TSPAN18: variants seen among roughly 807,000 people sequenced by gnomAD.
The protein encoded by TSPAN18 is tetraspanin-18.
Under a neutral mutation model 27.3 loss-of-function variants are expected in TSPAN18, and 14 were observed. The observed-to-expected ratio is 0.51, with a 90% CI of 0.34 to 0.80. TSPAN18 has a LOEUF of 0.80. Among genes scored for constraint, TSPAN18 ranks in the 30% least tolerant of loss-of-function variants. The pLI, the probability that TSPAN18 is intolerant of heterozygous loss-of-function variation, is 0.01. For synonymous variants in TSPAN18, 143 were observed against 136.5 expected (o/e 1.05, Z -0.33); for missense variants, 268 against 323.9 (o/e 0.83, Z 1.32).
intron 1 of TSPAN18, among the ~76,000 whole-genome samples, chr11:44,727,729 G>A (rs1854550625): frequency 6.6e-6 from 1 of 152,192 alleles, no homozygotes; most frequent in African/African-American, 2.4e-5. Flanking sequence ...TCGGGGCCGG[G>A]AGGGCTGTGG....
chr11:44,745,809 C>T (rs1326562264), intron 1 of TSPAN18, among the ~76,000 whole-genome samples: 1 of 152,186 alleles, frequency 6.6e-6, no homozygotes, highest in Non-Finnish European at 1.5e-5. Flanking sequence ...GGGTGGATCA[C>T]GAGGTCAGGA....
At chr11:44,881,560 C>G (rs922441339) in intron 3 of TSPAN18, among the ~76,000 whole-genome samples, 5 of 152,228 alleles carry the variant, frequency 3.3e-5, no homozygotes, top group Non-Finnish European at 7.3e-5. Flanking sequence ...ATATCAGTCC[C>G]TCAAAAGGTT....
chr11:44,773,981 C>A (rs1855747869), intron 2 of TSPAN18, among the ~76,000 whole-genome samples: 1 of 152,196 alleles, frequency 6.6e-6, no homozygotes, highest in Admixed American at 6.5e-5. Context: ...CTGTGCTCCT[C>A]AGTCGGACTC....
chr11:44,797,278 C>T (rs1250243719), intron 2 of TSPAN18, among the ~76,000 whole-genome samples: 1 of 152,174 alleles, frequency 6.6e-6, no homozygotes, highest in African/African-American at 2.4e-5. Context: ...CTAAAAGTCA[C>T]GTGGCCAGTG....
At chr11:44,752,774 A>T (rs1855241422) in intron 1 of TSPAN18, among the ~76,000 whole-genome samples, 1 of 152,264 alleles carries the variant, frequency 6.6e-6, no homozygotes, top group African/African-American at 2.4e-5. Context: ...TTATGTAGGC[A>T]TTGGAGAAAG....
chr11:44,894,159 C>T (rs558072558), intron 3 of TSPAN18, among the ~76,000 whole-genome samples: 4 of 152,328 alleles, frequency 2.6e-5, no homozygotes, highest in African/African-American at 4.8e-5. Context: ...CTTGCATCCT[C>T]CTGGAAAGGA....
At chr11:44,892,621 C>A (rs942703659) in intron 3 of TSPAN18, among the ~76,000 whole-genome samples, 7 of 152,322 alleles carry the variant, frequency 4.6e-5, no homozygotes, top group Non-Finnish European at 1.0e-4. Context: ...GGCAGAGGGA[C>A]CTCCGACCTG....
chr11:44,771,339 ATCAT>A (rs1229957913), intron 2 of TSPAN18, among the ~76,000 whole-genome samples: 13 of 152,326 alleles, frequency 8.5e-5, no homozygotes, highest in Admixed American at 8.5e-4. Flanking sequence ...TCTCTGTCAG[ATCAT>A]TCATTCATTC....
chr11:44,803,675 C>A (rs1487993038), intron 2 of TSPAN18, among the ~76,000 whole-genome samples: 1 of 152,074 alleles, frequency 6.6e-6, no homozygotes, highest in Non-Finnish European at 1.5e-5. Context: ...GGGGCTGATG[C>A]AGGAGGTAGC....
Position 44,930,946 on chromosome 11 carries a change from A to G in TSPAN18, c.*1768A>G. 2.0e-6 allele frequency: 1 copy of G among 512,646 alleles called. No homozygotes were observed. The highest frequency in any genetic ancestry group is 4.0e-6 in the Non-Finnish European group (1 of 249,962). 31.8% of individuals were successfully genotyped at this position (512,646 alleles called of 1,614,324 possible). A position where few individuals can be genotyped will look rare whatever the true frequency, so the allele number is the denominator to read the frequency against. On this transcript the variant is annotated 3_prime_UTR_variant, in exon 10 of 10. Transcript: ENST00000520358. The stretch of plus-strand genomic sequence containing the variant: ...CCCTCAGGCTTTCCAGTCACCAGGG[A>G]CACTCGGAGCCACAGCCTAGAGCCC...
intron 2 of TSPAN18, among the ~76,000 whole-genome samples, chr11:44,781,082 G>A (rs1158954810): frequency 6.6e-6 from 1 of 152,216 alleles, no homozygotes; most frequent in Non-Finnish European, 1.5e-5. Context: ...TCTGCAGAGG[G>A]CCGGAGGAGC....
At chr11:44,843,551 G>T (rs1203997457) in intron 2 of TSPAN18, among the ~76,000 whole-genome samples, 1 of 152,170 alleles carries the variant, frequency 6.6e-6, no homozygotes. Flanking sequence ...AGATCAACCG[G>T]TCTGACCAAA....
intron 2 of TSPAN18, among the ~76,000 whole-genome samples, chr11:44,855,180 C>CTTAT (rs1421926056): frequency 6.6e-6 from 1 of 151,730 alleles, no homozygotes; most frequent in Non-Finnish European, 1.5e-5. Context: ...ACTCATTTTA[C>CTTAT]TTATTAGTTC....
At chr11:44,868,815 C>T (rs1334967233) in intron 3 of TSPAN18, among the ~76,000 whole-genome samples, 1 of 152,238 alleles carries the variant, frequency 6.6e-6, no homozygotes, top group Non-Finnish European at 1.5e-5. Context: ...AAATAGGCCG[C>T]TGGCTGGAGG....
At chr11:44,761,671 A>G (rs10769078) in intron 1 of TSPAN18, among the ~76,000 whole-genome samples, 19,791 of 152,214 alleles carry the variant, frequency 0.13, 2,549 homozygotes, top group East Asian at 0.68. Flanking sequence ...TGCAGCCCGC[A>G]GCTCCTTCCC....
chr11:44,823,714 A>C (rs1241178911), intron 2 of TSPAN18, among the ~76,000 whole-genome samples: 1 of 152,040 alleles, frequency 6.6e-6, no homozygotes, highest in African/African-American at 2.4e-5. Flanking sequence ...TTCACCGGGG[A>C]CCTGCCCCTA....
chr11:44,746,912 C>T (rs1396284294), intron 1 of TSPAN18, among the ~76,000 whole-genome samples: 1 of 152,238 alleles, frequency 6.6e-6, no homozygotes, highest in Non-Finnish European at 1.5e-5. Flanking sequence ...AGACTCAGTT[C>T]TTAGGGAGTA....
In TSPAN18 at chr11:44,806,056, T is replaced by C. The variant is rs1460067801; in HGVS notation, c.-153+41544T>C. On this transcript the variant is annotated intron_variant, in intron 2 of 9. Transcript: ENST00000520358. Reference sequence around the variant, plus strand: ...CTATTTTTTCCTTTTTTTTTTTTTTTTGGAGTCTCGCTCTATCCCCCAGGC... The same window carrying C: ...CTATTTTTTCCTTTTTTTTTTTTTTCTGGAGTCTCGCTCTATCCCCCAGGC... 4.6e-5 allele frequency among the ~76,000 whole-genome samples: 7 copies of C among 151,344 alleles called. No homozygotes were observed. In the East Asian group the frequency reaches 1.2e-3, roughly 25 times the overall value.
At chr11:44,829,337 C>T (rs942446026) in intron 2 of TSPAN18, among the ~76,000 whole-genome samples, 3 of 152,122 alleles carry the variant, frequency 2.0e-5, no homozygotes, top group African/African-American at 7.2e-5. Flanking sequence ...TCCATCTAAC[C>T]TTCCCTCCCT....
Sources: allele counts gnomAD v4.1 joint callset (sites outside exome capture counted in the v4.1 genomes callset), GRCh38; gene constraint gnomAD v4.1.1; transcripts MANE v1.5; gene names NCBI Gene and HGNC (gene_info 2026-07-23, HGNC 2026-07-21).